HGSNAT: variants seen among roughly 807,000 people sequenced by gnomAD.
HGSNAT encodes the protein heparan-alpha-glucosaminide N-acetyltransferase.
HGSNAT carries 59 observed loss-of-function variants against 85.2 expected under a neutral mutation model. The observed-to-expected ratio is 0.69, with a 90% CI of 0.56 to 0.86. HGSNAT has a LOEUF of 0.86. HGSNAT is among the 40% of genes least tolerant of loss of function. HGSNAT has a pLI of 0.00. For missense variants in HGSNAT, 756 were observed against 777.1 expected (o/e 0.97, Z 0.32); for synonymous variants, 321 against 304.5 (o/e 1.05, Z -0.56).
intron 2 of HGSNAT, among the ~76,000 whole-genome samples, chr8:43,152,668 A>G (rs907761193): frequency 6.6e-6 from 1 of 152,064 alleles, no homozygotes; most frequent in Non-Finnish European, 1.5e-5. Flanking sequence ...TGTTGCTCAG[A>G]CTGGTTTGGA....
At chr8:43,195,576 G>A (rs935504447) in intron 14 of HGSNAT, among the ~76,000 whole-genome samples, 4 of 146,598 alleles carry the variant, frequency 2.7e-5, no homozygotes, top group Non-Finnish European at 6.0e-5. Flanking sequence ...GGAAGAGGGG[G>A]TGGAGGAAGA....
At chr8:43,156,000 C>T (rs975900646) in intron 2 of HGSNAT, among the ~76,000 whole-genome samples, 1 of 152,060 alleles carries the variant, frequency 6.6e-6, no homozygotes, top group Middle Eastern at 3.2e-3. Context: ...ACTACCATGC[C>T]CGGCTAATTT....
intron 13 of HGSNAT, among the ~76,000 whole-genome samples, chr8:43,192,717 A>G (rs757893529): frequency 8.6e-5 from 13 of 151,922 alleles, no homozygotes; most frequent in Non-Finnish European, 1.8e-4. Context: ...GAGCCCAGGA[A>G]TCTGAGACCA....
chr8:43,145,008 G>A (rs1488722095), intron 1 of HGSNAT, among the ~76,000 whole-genome samples: 1 of 152,194 alleles, frequency 6.6e-6, no homozygotes, highest in Non-Finnish European at 1.5e-5. Context: ...GGTAAATGAA[G>A]TTCAGATTTC....
chr8:43,146,850 A>G lies in HGSNAT; in HGVS notation c.119-98A>G, dbSNP rs377303118. ...CCCAGAGTGTAAGCTTTTGAGAAGC[A>G]CTACTGGAAGCAACTGTTCACACGA... On this transcript the variant is annotated intron_variant, in intron 1 of 17. Transcript: ENST00000379644. 30 of 667,520 alleles carry G rather than the reference A, an allele frequency of 4.5e-5. No homozygotes were observed. In the East Asian group the frequency reaches 7.1e-4, roughly 16 times the overall value. 41.3% of individuals were successfully genotyped at this position (667,520 alleles called of 1,614,324 possible).
At chr8:43,175,315 T>C (rs1188344987) in intron 9 of HGSNAT, among the ~76,000 whole-genome samples, 9 of 152,178 alleles carry the variant, frequency 5.9e-5, no homozygotes. Context: ...TTGTCCATGG[T>C]GATTGTACTA....
At chr8:43,187,102 G>A (rs1804342789) in intron 11 of HGSNAT, among the ~76,000 whole-genome samples, 1 of 152,180 alleles carries the variant, frequency 6.6e-6, no homozygotes, top group South Asian at 2.1e-4. Context: ...GTGGTGCTGA[G>A]AAGAATGTAT....
chr8:43,183,826 C>T (rs185256794), intron 11 of HGSNAT, among the ~76,000 whole-genome samples: 273 of 152,256 alleles, frequency 1.8e-3, no homozygotes, highest in African/African-American at 6.4e-3. Flanking sequence ...TGATGTTCCC[C>T]ACCCTGTGAC....
intron 15 of HGSNAT, chr8:43,197,370 T>C: frequency 1.9e-6 from 1 of 530,318 alleles, no homozygotes; most frequent in Non-Finnish European, 3.3e-6. Context: ...GGAAAGAGAG[T>C]TGCAAGGTTG....
chr8:43,197,263 C>G, intron 15 of HGSNAT: 1 of 572,900 alleles, frequency 1.7e-6, no homozygotes, highest in South Asian at 2.1e-5. Flanking sequence ...CCAGGAATGC[C>G]TGAAGAAATG....
chr8:43,148,284 C>G (rs757916715), intron 2 of HGSNAT, among the ~76,000 whole-genome samples: 3 of 151,634 alleles, frequency 2.0e-5, no homozygotes, highest in Non-Finnish European at 4.4e-5. Flanking sequence ...AAATTGAGAG[C>G]TTCGTTATAC....
intron 10 of HGSNAT, chr8:43,181,893 G>T: frequency 2.0e-6 from 1 of 499,342 alleles, no homozygotes; most frequent in South Asian, 3.2e-5. Context: ...CTCTCATCTG[G>T]CCAGCTTCCT....
At chr8:43,155,933 C>T (rs957226362) in intron 2 of HGSNAT, among the ~76,000 whole-genome samples, 5 of 152,020 alleles carry the variant, frequency 3.3e-5, no homozygotes, top group Non-Finnish European at 5.9e-5. Context: ...CTCTGTCTTC[C>T]GGGTTCAAGT....
chr8:43,176,005 A>T (rs1373824470), intron 9 of HGSNAT, among the ~76,000 whole-genome samples: 1 of 151,828 alleles, frequency 6.6e-6, no homozygotes, highest in Non-Finnish European at 1.5e-5. Context: ...TTGTCTCTTC[A>T]CTTTGTTAAT....
At chr8:43,174,898 C>A (rs556546569) in intron 9 of HGSNAT, among the ~76,000 whole-genome samples, 1 of 152,252 alleles carries the variant, frequency 6.6e-6, no homozygotes, top group African/African-American at 2.4e-5. Context: ...TCATTAACCA[C>A]GCCCCCTCCT....
At chr8:43,172,756 C>T (rs1317294988) in intron 8 of HGSNAT, among the ~76,000 whole-genome samples, 2 of 152,174 alleles carry the variant, frequency 1.3e-5, no homozygotes, top group African/African-American at 4.8e-5. Flanking sequence ...TCTTCTAGGA[C>T]TTATGGTCCT....
chr8:43,197,257 G>A (rs939186120), intron 15 of HGSNAT: 12 of 575,798 alleles, frequency 2.1e-5, no homozygotes, highest in Non-Finnish European at 3.1e-5. Context: ...AGATAGCCAG[G>A]AATGCCTGAA....
At chr8:43,150,834 A>AAAATAAATAAATAAAT (rs144266684) in intron 2 of HGSNAT, among the ~76,000 whole-genome samples, 1,594 of 147,168 alleles carry the variant, frequency 0.011, 28 homozygotes, top group African/African-American at 0.037. Flanking sequence ...ACTCCGTTTC[A>AAAATAAATAAATAAAT]AAATAAATAA....
chr8:43,192,335 T>A lies in HGSNAT; in HGVS notation c.1282T>A (p.Phe428Ile). 1 of 1,610,702 alleles carries A rather than the reference T, an allele frequency of 6.2e-7. No homozygotes were observed. The highest frequency in any genetic ancestry group is 1.1e-5 in the South Asian group (1 of 90,314). The change falls in exon 13 of 18, where the codon TTT (phenylalanine) becomes ATT (isoleucine). Residue 428 changes from phenylalanine to isoleucine, a missense_variant. Transcript: ENST00000379644. The stretch of plus-strand genomic sequence containing the variant: ...TCTTGGTCCTGGGGGCATTGGAGAT[T>A]TTGGCAAGTATCCAAATTGCACTGG... ...GYLGPGGIGDFGKYPNCTGGA... is the reference protein window; with the variant it reads ...GYLGPGGIGDIGKYPNCTGGA...
Sources: gnomAD v4.1 joint callset for allele counts (sites outside exome capture counted in the v4.1 genomes callset) on GRCh38, gnomAD v4.1.1 for gene constraint, MANE v1.5 for transcripts, NCBI Gene and HGNC (gene_info 2026-07-23, HGNC 2026-07-21) for gene names.